NINJ1: variants seen among roughly 807,000 people sequenced by gnomAD.
The protein encoded by NINJ1 is ninjurin 1, also known as ninjurin-1.
In NINJ1, 6 loss-of-function variants were observed where a neutral mutation model predicts 12.7. That is an observed-to-expected ratio of 0.47 (90% CI 0.26 to 0.93). The LOEUF is 0.93. NINJ1 is among the 40% of genes least tolerant of loss of function. The probability of loss-of-function intolerance (pLI) is 0.15; values close to 1 mark genes in which losing one functional copy is unlikely to be tolerated. For synonymous variants in NINJ1, 100 were observed against 96.0 expected (o/e 1.04, Z -0.25); for missense variants, 170 against 213.0 (o/e 0.80, Z 1.26).
In NINJ1 at chr9:93,127,638, G is replaced by A. The variant is rs557418220; in HGVS notation, c.76-1000C>T. Reference sequence around the variant, plus strand: ...GCCCCTCTCAAGCTGCCCTGGTGGGGCCCTCTTCAGTCACTCAGGACAAAC... The same window carrying A: ...GCCCCTCTCAAGCTGCCCTGGTGGGACCCTCTTCAGTCACTCAGGACAAAC... On this transcript the variant is annotated intron_variant, in intron 1 of 3. Coordinates refer to ENST00000375446, the MANE Select transcript of NINJ1 (RefSeq NM_004148.4). 8.5e-5 allele frequency among the ~76,000 whole-genome samples: 13 copies of A among 152,302 alleles called. No individual in the cohort carries two copies. In the South Asian group the frequency reaches 2.7e-3, roughly 32 times the overall value.
At chr9:93,127,464 C>T (rs1298387173) in intron 1 of NINJ1, among the ~76,000 whole-genome samples, 1 of 152,178 alleles carries the variant, frequency 6.6e-6, no homozygotes, top group Non-Finnish European at 1.5e-5. Flanking sequence ...TCCAAGGCCC[C>T]ACACAGAGGC....
Position 93,134,156 on chromosome 9 carries a change from G to T in NINJ1, c.62C>A (p.Ser21Tyr). The change falls in exon 1 of 4, where the codon TCC becomes TAC. Residue 21 changes from serine to tyrosine, a missense_variant. Transcript: ENST00000375446. ...NGGLPPGTPG[S>Y]PDASPARWGW... Reference sequence around the variant, plus strand: ...GGAAGGTCTTACCGAGGCGTCCGGGGAGCCGGGTGTGCCCGGAGGCAGGCC... The same window carrying T: ...GGAAGGTCTTACCGAGGCGTCCGGGTAGCCGGGTGTGCCCGGAGGCAGGCC... The T allele has an allele frequency of 6.4e-7, 1 of 1,561,264 alleles. No homozygotes were observed. Among genetic ancestry groups the T allele is most frequent in the Non-Finnish European group, 8.7e-7 (1 of 1,153,740 alleles).
chr9:93,133,224 T>C (rs1013833507), intron 1 of NINJ1, among the ~76,000 whole-genome samples: 1 of 152,234 alleles, frequency 6.6e-6, no homozygotes, highest in Non-Finnish European at 1.5e-5. Context: ...GAACATGTCC[T>C]GTCCCCACAG....
intron 1 of NINJ1, among the ~76,000 whole-genome samples, chr9:93,132,534 A>G (rs1224816989): frequency 1.3e-5 from 2 of 152,156 alleles, no homozygotes; most frequent in Non-Finnish European, 2.9e-5. Flanking sequence ...CTCAGAGCCA[A>G]TGTCCCCACC....
intron 1 of NINJ1, among the ~76,000 whole-genome samples, chr9:93,130,137 G>C (rs539259668): frequency 6.6e-6 from 1 of 152,218 alleles, no homozygotes; most frequent in South Asian, 2.1e-4. Context: ...AGCAGCACTC[G>C]GGGCCTGGGG....
chr9:93,127,646 C>A (rs1449057325), intron 1 of NINJ1, among the ~76,000 whole-genome samples: 1 of 152,236 alleles, frequency 6.6e-6, no homozygotes, highest in Non-Finnish European at 1.5e-5. Context: ...GGGCCCTCTT[C>A]AGTCACTCAG....
At position 93,126,504 on chromosome 9, in the gene NINJ1, C is replaced by T; in HGVS notation, c.210G>A (p.Gln70=). ...NASQLKAVVE[Q]GPSFAFYVPL... ...GCACATAGAAGGCGAAGCTGGGGCC[C>T]TGTTCCACGACGGCCTTCAGCTGGG... Residue 70 remains glutamine, a synonymous_variant, in exon 2 of 4, where the codon CAG becomes CAA. Coordinates refer to ENST00000375446, the MANE Select transcript of NINJ1 (RefSeq NM_004148.4). The T allele has an allele frequency of 1.2e-6, 2 of 1,614,192 alleles. No individual in the cohort carries two copies. Among genetic ancestry groups the T allele is most frequent in the Non-Finnish European group, 8.5e-7 (1 of 1,180,030 alleles).
At chr9:93,128,589 AGGTGCAGTGTCCCAG>A (rs1241293124) in intron 1 of NINJ1, among the ~76,000 whole-genome samples, 1 of 152,226 alleles carries the variant, frequency 6.6e-6, no homozygotes, top group Non-Finnish European at 1.5e-5. Flanking sequence ...GTGCTCCGCA[AGGTGCAGTGTCCCAG>A]GGGCTGCTGG....
At chr9:93,124,195 TGGGA>T (rs1173858308) in intron 3 of NINJ1, among the ~76,000 whole-genome samples, 2 of 152,152 alleles carry the variant, frequency 1.3e-5, no homozygotes, top group East Asian at 1.9e-4. Flanking sequence ...AGACGAGGGC[TGGGA>T]GGAAGCTTCA....
Position 93,134,197 on chromosome 9 carries a change from C to G in NINJ1, c.21G>C (p.Glu7Asp). ...GAGGCAGGCCGCCGTTGAGCTCGTA[C>G]TCCTCGGTTCCCGAGTCCATGGTGC... MDSGTE[E>D]YELNGGLPPG... Residue 7 changes from glutamate to aspartate, a missense_variant, in exon 1 of 4, where the codon GAG (glutamate) becomes GAC (aspartate). By Grantham distance (45) the Glu-to-Asp change is conservative. Coordinates refer to ENST00000375446, the MANE Select transcript of NINJ1 (RefSeq NM_004148.4). 2 of 1,531,486 alleles carry G rather than the reference C, an allele frequency of 1.3e-6. No homozygotes were observed. Among genetic ancestry groups the G allele is most frequent in the Non-Finnish European group, 1.8e-6 (2 of 1,136,668 alleles). The allele number at this position is 1,531,486 out of a possible 1,614,324, so 94.9% of individuals were successfully genotyped here.
chr9:93,129,237 C>T (rs533731198), intron 1 of NINJ1, among the ~76,000 whole-genome samples: 1 of 152,354 alleles, frequency 6.6e-6, no homozygotes, highest in East Asian at 1.9e-4. Context: ...TGAACCCAGG[C>T]CCCGGGGCTC....
chr9:93,123,441 C>T (rs574502371), intron 3 of NINJ1, among the ~76,000 whole-genome samples: 20 of 152,314 alleles, frequency 1.3e-4, no homozygotes, highest in African/African-American at 4.6e-4. Context: ...TGCGCCATCA[C>T]GCCTGGCTAA....
chr9:93,126,870 A>G (rs1229905963), intron 1 of NINJ1, among the ~76,000 whole-genome samples: 2 of 152,186 alleles, frequency 1.3e-5, no homozygotes, highest in African/African-American at 4.8e-5. Context: ...GAAACGACAT[A>G]GCAACCTTAG....
chr9:93,124,648 G>T (rs1827783175), intron 3 of NINJ1, among the ~76,000 whole-genome samples: 1 of 152,094 alleles, frequency 6.6e-6, no homozygotes, highest in African/African-American at 2.4e-5. Context: ...AGTTCTCCAG[G>T]ATGTTCAAAT....
At chr9:93,131,127 G>A (rs1827887138) in intron 1 of NINJ1, among the ~76,000 whole-genome samples, 1 of 152,256 alleles carries the variant, frequency 6.6e-6, no homozygotes, top group Admixed American at 6.5e-5. Flanking sequence ...AGACAGGCAG[G>A]GCCTGGCACT....
chr9:93,124,365 C>T (rs1827778556), intron 3 of NINJ1, among the ~76,000 whole-genome samples: 2 of 152,154 alleles, frequency 1.3e-5, no homozygotes, highest in African/African-American at 4.8e-5. Flanking sequence ...ACCTCTGCCT[C>T]CTGGGTTCAA....
In NINJ1 at chr9:93,127,724, C is replaced by T. The variant is rs78624936; in HGVS notation, c.76-1086G>A. 6.3e-3 allele frequency among the ~76,000 whole-genome samples: 957 copies of T among 152,256 alleles called. 12 individuals carry two copies. The highest frequency in any genetic ancestry group is 0.022 in the African/African-American group (897 of 41,548). On this transcript the variant is annotated intron_variant, in intron 1 of 3. Coordinates refer to ENST00000375446, the MANE Select transcript of NINJ1 (RefSeq NM_004148.4). The stretch of plus-strand genomic sequence containing the variant: ...CGCCCCTGAGTTGCCAGGCCCTAGA[C>T]CACAGCCTCCCAGGACTGGTCACCT...
At chr9:93,133,893 T>C (rs1427908736) in intron 1 of NINJ1, among the ~76,000 whole-genome samples, 1 of 152,124 alleles carries the variant, frequency 6.6e-6, no homozygotes, top group Non-Finnish European at 1.5e-5. Context: ...CGGGCGCTGC[T>C]TAGTGGGGCT....
chr9:93,131,318 G>A lies in NINJ1; in HGVS notation c.75+2825C>T, dbSNP rs571313020. Among the ~76,000 whole-genome samples, 6 of 152,368 alleles carry A rather than the reference G, an allele frequency of 3.9e-5. No homozygotes were observed. In the East Asian group the frequency reaches 7.7e-4, roughly 20 times the overall value. On this transcript the variant is annotated intron_variant, in intron 1 of 3. Transcript: ENST00000375446. ...TTCCCGCGGACTCAGCACTGGCCACGAGTGGCCCTGAGACCATGTTAGGGT... is the reference window on the plus strand; with the variant it reads ...TTCCCGCGGACTCAGCACTGGCCACAAGTGGCCCTGAGACCATGTTAGGGT...
Sources: gnomAD v4.1 joint callset for allele counts (sites outside exome capture counted in the v4.1 genomes callset) on GRCh38, gnomAD v4.1.1 for gene constraint, MANE v1.5 for transcripts, NCBI Gene and HGNC (gene_info 2026-07-23, HGNC 2026-07-21) for gene names.